The following MELK variants were observed in gnomAD, a reference collection of about 807,000 sequenced individuals.
The protein encoded by MELK is pEg3 kinase.
In MELK, 81 loss-of-function variants were observed where a neutral mutation model predicts 85.0. The ratio of observed to expected loss-of-function variants is 0.95; its 90% CI spans 0.80 to 1.15. The LOEUF (loss-of-function observed/expected upper bound fraction) is 1.15, where lower values mean the gene tolerates loss of function less well. Ranked by LOEUF, MELK falls within the 50% of genes most tolerant of loss-of-function variation. The pLI is 0.00. For missense variants in MELK, 754 were observed against 777.5 expected, an observed-to-expected ratio of 0.97 and a Z score of 0.36; for synonymous variants, 252 against 265.0, an observed-to-expected ratio of 0.95 and a Z score of 0.48.
At chr9:36,579,309 G>A (rs2134870853) in intron 1 of MELK, among the ~76,000 whole-genome samples, 1 of 152,294 alleles carries the variant, frequency 6.6e-6, no homozygotes, top group Non-Finnish European at 1.5e-5. Flanking sequence ...TTACAGGCAT[G>A]AGCCACCGCG....
At chr9:36,613,037 G>A (rs566814341) in intron 8 of MELK, among the ~76,000 whole-genome samples, 6 of 152,242 alleles carry the variant, frequency 3.9e-5, no homozygotes, top group South Asian at 2.1e-4. Flanking sequence ...GTTTTCCCCC[G>A]TGTAATGTGG....
rs182757455 is a variant in MELK at position 36,618,867 on chromosome 9, A to G, written c.666+11194A>G. Among the ~76,000 whole-genome samples the G allele has an allele frequency of 2.9e-4, 44 of 152,328 alleles. No individual in the cohort carries two copies. The East Asian group carries it at 6.5e-3, about 23-fold the overall frequency. On this transcript the variant is annotated intron_variant, in intron 8 of 17. Coordinates refer to ENST00000298048, the MANE Select transcript of MELK (RefSeq NM_014791.4). The stretch of plus-strand genomic sequence containing the variant: ...CCGATCCATGTACTAAATATTAACA[A>G]AGCTCAATTTCTTATTTATTAGATA...
chr9:36,649,705 G>A (rs1448549174), intron 11 of MELK, among the ~76,000 whole-genome samples: 2 of 151,038 alleles, frequency 1.3e-5, no homozygotes, highest in Non-Finnish European at 3.0e-5. Flanking sequence ...GGAGGCAGAG[G>A]TTGTAGTGAG....
At chr9:36,648,971 GA>G (rs960280555) in intron 11 of MELK, among the ~76,000 whole-genome samples, 35 of 151,034 alleles carry the variant, frequency 2.3e-4, no homozygotes, top group African/African-American at 6.3e-4. Flanking sequence ...TAGATACTGA[GA>G]AAAAAAAACC....
rs374744271 is a variant in MELK, at chr9:36,643,021, G to A, written c.859G>A (p.Val287Ile). The change falls in exon 11 of 18, where the codon GTA becomes ATA. Residue 287 changes from valine to isoleucine, a missense_variant. Coordinates refer to ENST00000298048, the MANE Select transcript of MELK (RefSeq NM_014791.4). ...NPFIHLDDDC[V>I]TELSVHHRNN... ...GTTTATTCACCTCGATGATGATTGCGTAACAGAACTTTCTGTACATCACAG... is the reference window on the plus strand; with the variant it reads ...GTTTATTCACCTCGATGATGATTGCATAACAGAACTTTCTGTACATCACAG... The A allele has an allele frequency of 1.4e-4, 219 of 1,610,414 alleles. 1 individual carries two copies. The Admixed American group carries it at 2.4e-3, about 18-fold the overall frequency.
intron 8 of MELK, among the ~76,000 whole-genome samples, chr9:36,621,840 G>A (rs1435844549): frequency 1.3e-5 from 2 of 152,274 alleles, no homozygotes; most frequent in East Asian, 3.9e-4. Context: ...AAAGGTGAAT[G>A]TACCAACATA....
At chr9:36,620,177 G>GT (rs990684151) in intron 8 of MELK, among the ~76,000 whole-genome samples, 2 of 152,142 alleles carry the variant, frequency 1.3e-5, no homozygotes, top group African/African-American at 4.8e-5. Flanking sequence ...ATGAAATATT[G>GT]TTTCTCAGCT....
At chr9:36,600,119 A>T (rs1387936337) in intron 7 of MELK, among the ~76,000 whole-genome samples, 5 of 150,560 alleles carry the variant, frequency 3.3e-5, no homozygotes, top group Non-Finnish European at 7.4e-5. Context: ...TTTGAGACGG[A>T]GTCTCACTCT....
Position 36,633,192 on chromosome 9 carries a change from A to G in MELK, c.826A>G (p.Lys276Glu), listed in dbSNP as rs766156695. ...DYNYPVEWQS[K>E]NPFIHLDDDC... ...CAACTATCCTGTTGAGTGGCAAAGC[A>G]AGAATCCTGTAAGTAAAATGAAATC... The change falls in exon 10 of 18, where the codon AAG becomes GAG. Residue 276 changes from lysine to glutamate, a missense_variant. Coordinates refer to ENST00000298048, the MANE Select transcript of MELK (RefSeq NM_014791.4). The G allele has an allele frequency of 1.9e-6, 3 of 1,595,730 alleles. No homozygotes were observed. Among genetic ancestry groups the G allele is most frequent in the South Asian group, 2.3e-5 (2 of 86,696 alleles).
chr9:36,580,904 A>G (rs1289622661), intron 1 of MELK, among the ~76,000 whole-genome samples: 2 of 151,332 alleles, frequency 1.3e-5, no homozygotes, highest in Admixed American at 1.3e-4. Flanking sequence ...AATGTTTTGT[A>G]TCTTTAGTAG....
At chr9:36,629,231 T>A (rs944442793) in intron 8 of MELK, among the ~76,000 whole-genome samples, 2 of 152,204 alleles carry the variant, frequency 1.3e-5, no homozygotes, top group African/African-American at 4.8e-5. Context: ...TACAGTTCAA[T>A]CAATTTCTCT....
At chr9:36,675,083 C>T in intron 17 of MELK, 146 bp downstream of exon 17, 1 of 516,934 alleles carries the variant, frequency 1.9e-6, no homozygotes. Flanking sequence ...GCCAAGAGTT[C>T]AAGTTCAGCC....
At chr9:36,672,624 T>TCA (rs1412541242) in intron 16 of MELK, among the ~76,000 whole-genome samples, 1 of 152,212 alleles carries the variant, frequency 6.6e-6, no homozygotes, top group African/African-American at 2.4e-5. Context: ...TTGTGCTGTA[T>TCA]AGCTTTGATA....
intron 8 of MELK, among the ~76,000 whole-genome samples, chr9:36,627,524 CTT>C (rs150933274): frequency 3.1e-4 from 42 of 134,420 alleles, no homozygotes; most frequent in Admixed American, 3.0e-4. Flanking sequence ...CTCTCTCTCT[CTT>C]TTTTTTTTTT....
At chr9:36,616,114 CAAAATT>C (rs1457776928) in intron 8 of MELK, among the ~76,000 whole-genome samples, 1 of 152,110 alleles carries the variant, frequency 6.6e-6, no homozygotes, top group Admixed American at 6.5e-5. Flanking sequence ...TTTGTATTAA[CAAAATT>C]AAAAGTAAAA....
chr9:36,659,833 C>T (rs572468333), intron 13 of MELK, among the ~76,000 whole-genome samples: 4 of 152,228 alleles, frequency 2.6e-5, no homozygotes, highest in Middle Eastern at 3.4e-3. Flanking sequence ...GAGTTTTGCT[C>T]TTGTTGCCCA....
chr9:36,575,009 A>C (rs1321397574), intron 1 of MELK, among the ~76,000 whole-genome samples: 1 of 151,492 alleles, frequency 6.6e-6, no homozygotes, highest in Non-Finnish European at 1.5e-5. Context: ...GGTGGCGCAC[A>C]CCTGTAATCC....
intron 5 of MELK, 50 bp downstream of exon 5, chr9:36,594,821 G>T (rs542689246): frequency 1.3e-6 from 2 of 1,549,552 alleles, no homozygotes; most frequent in East Asian, 2.3e-5. Flanking sequence ...TCATTTACCT[G>T]TTATTTTTAG....
chr9:36,646,082 G>C (rs1182116081), intron 11 of MELK, among the ~76,000 whole-genome samples: 1 of 152,184 alleles, frequency 6.6e-6, no homozygotes, highest in Non-Finnish European at 1.5e-5. Context: ...TCTAGCGGGT[G>C]GAGGCCAGGG....
Sources: allele counts gnomAD v4.1 joint callset (sites outside exome capture counted in the v4.1 genomes callset), GRCh38; gene constraint gnomAD v4.1.1; transcripts MANE v1.5; gene names NCBI Gene and HGNC (gene_info 2026-07-23, HGNC 2026-07-21).